AGMO: variants seen among roughly 807,000 people sequenced by gnomAD.
AGMO encodes the protein alkylglycerol monooxygenase.
AGMO carries 75 observed loss-of-function variants against 60.2 expected under a neutral mutation model. That is an observed-to-expected ratio of 1.25 (90% CI 1.03 to 1.51). The LOEUF is 1.51. Ranked by LOEUF, AGMO falls within the 40% of genes most tolerant of loss-of-function variation. AGMO has a pLI of 0.00. For synonymous variants in AGMO, 261 were observed against 177.1 expected, an observed-to-expected ratio of 1.47 and a Z score of -3.76; for missense variants, 763 against 525.5, an observed-to-expected ratio of 1.45 and a Z score of -4.42.
At chr7:15,511,238 G>A (rs1029436353) in intron 3 of AGMO, among the ~76,000 whole-genome samples, 24 of 151,968 alleles carry the variant, frequency 1.6e-4, no homozygotes, top group African/African-American at 5.8e-4. Flanking sequence ...ACTCATGCAG[G>A]ACCATGTAGA....
chr7:15,219,105 T>TA (rs1459472728), intron 12 of AGMO, among the ~76,000 whole-genome samples: 1 of 152,212 alleles, frequency 6.6e-6, no homozygotes. Context: ...ACTAATTATC[T>TA]ACACAATGTT....
chr7:15,244,982 T>A (rs1050276075), intron 12 of AGMO, among the ~76,000 whole-genome samples: 1 of 152,114 alleles, frequency 6.6e-6, no homozygotes, highest in Non-Finnish European at 1.5e-5. Flanking sequence ...GAGATAAATG[T>A]GTAACTAATT....
chr7:15,281,893 C>T (rs1177936029), intron 12 of AGMO, among the ~76,000 whole-genome samples: 1 of 152,164 alleles, frequency 6.6e-6, no homozygotes, highest in Non-Finnish European at 1.5e-5. Flanking sequence ...TTTGCTCATA[C>T]ACCAAACACA....
chr7:15,363,482 C>T (rs1468975513), intron 12 of AGMO, among the ~76,000 whole-genome samples: 1 of 152,136 alleles, frequency 6.6e-6, no homozygotes, highest in South Asian at 2.1e-4. Context: ...ACGAGCAAAG[C>T]AAGACCAAGA....
the AGMO span, among the ~76,000 whole-genome samples, chr7:15,180,715 C>CCACATTTG: frequency 2.6e-5 from 4 of 152,194 alleles, no homozygotes; most frequent in Non-Finnish European, 5.9e-5. Flanking sequence ...AAAGCTGTTT[C>CCACATTTG]CACATTTGCA....
chr7:15,215,446 CG>C (rs1781708619), intron 12 of AGMO, among the ~76,000 whole-genome samples: 1 of 151,806 alleles, frequency 6.6e-6, no homozygotes, highest in African/African-American at 2.4e-5. Context: ...AGTTGTACAC[CG>C]GAATTCTCCC....
intron 5 of AGMO, among the ~76,000 whole-genome samples, chr7:15,409,468 A>G (rs569064444): frequency 6.6e-6 from 1 of 152,022 alleles, no homozygotes; most frequent in African/African-American, 2.4e-5. Flanking sequence ...TAGAATATCA[A>G]CGTTCTTAGC....
chr7:15,379,780 A>C (rs1313848921), intron 10 of AGMO, among the ~76,000 whole-genome samples: 1 of 152,062 alleles, frequency 6.6e-6, no homozygotes, highest in Non-Finnish European at 1.5e-5. Flanking sequence ...CTGGCAAACC[A>C]AATCTAGCAT....
chr7:15,529,724 A>ATATT (rs2128540720), intron 3 of AGMO, among the ~76,000 whole-genome samples: 1 of 115,780 alleles, frequency 8.6e-6, no homozygotes, highest in African/African-American at 3.1e-5. Context: ...TATACTATAT[A>ATATT]CTCTATATAT....
chr7:15,306,499 T>G (rs1359256697), intron 12 of AGMO: 1 of 469,864 alleles, frequency 2.1e-6, no homozygotes, highest in Non-Finnish European at 4.4e-6. Flanking sequence ...AGACAGTCAC[T>G]CAAACTTAAA....
intron 3 of AGMO, among the ~76,000 whole-genome samples, chr7:15,491,344 C>T (rs1783060006): frequency 6.6e-6 from 1 of 152,156 alleles, no homozygotes; most frequent in Non-Finnish European, 1.5e-5. Flanking sequence ...AGAAAAGTGT[C>T]ATGCCTACGG....
chr7:15,283,778 A>G (rs1001968846), intron 12 of AGMO, among the ~76,000 whole-genome samples: 6 of 151,998 alleles, frequency 3.9e-5, no homozygotes, highest in African/African-American at 1.4e-4. Context: ...CAGAATATAC[A>G]TTCTTTCACC....
chr7:15,263,207 T>C (rs1415326349), intron 12 of AGMO, among the ~76,000 whole-genome samples: 1 of 151,900 alleles, frequency 6.6e-6, no homozygotes, highest in African/African-American at 2.4e-5. Context: ...ATCCAGAATC[T>C]ACAGAGATGT....
At chr7:15,242,049 T>C (rs902689576) in intron 12 of AGMO, among the ~76,000 whole-genome samples, 1 of 152,164 alleles carries the variant, frequency 6.6e-6, no homozygotes, top group African/African-American at 2.4e-5. Context: ...CATCCTCTTC[T>C]GTTACCAGAC....
intron 4 of AGMO, among the ~76,000 whole-genome samples, chr7:15,427,497 G>A (rs1032917928): frequency 7.2e-5 from 11 of 152,008 alleles, no homozygotes; most frequent in African/African-American, 2.7e-4. Context: ...AATCCCTAAT[G>A]TTCTTTTTCT....
At chr7:15,406,402 T>C (rs1784693132) in intron 5 of AGMO, among the ~76,000 whole-genome samples, 1 of 137,770 alleles carries the variant, frequency 7.3e-6, no homozygotes, top group Admixed American at 7.3e-5. Context: ...ATGTATTCCA[T>C]ATGTGTATAT....
chr7:15,397,831 C>T (rs1336404231), intron 5 of AGMO, among the ~76,000 whole-genome samples: 1 of 152,162 alleles, frequency 6.6e-6, no homozygotes, highest in Non-Finnish European at 1.5e-5. Context: ...AAAGAATACA[C>T]TCCTATGAAG....
intron 3 of AGMO, among the ~76,000 whole-genome samples, chr7:15,453,658 G>A (rs1781914139): frequency 6.6e-6 from 1 of 152,142 alleles, no homozygotes; most frequent in South Asian, 2.1e-4. Context: ...GAAAAACCTA[G>A]AAGGTGAAAA....
At chr7:15,179,681 C>T in the AGMO span, among the ~76,000 whole-genome samples, 1 of 152,256 alleles carries the variant, frequency 6.6e-6, no homozygotes, top group African/African-American at 2.4e-5. Context: ...CATGACTCCT[C>T]TAGGCACTGC....
Sources: allele counts gnomAD v4.1 joint callset (sites outside exome capture counted in the v4.1 genomes callset), GRCh38; gene constraint gnomAD v4.1.1; transcripts MANE v1.5; gene names NCBI Gene and HGNC (gene_info 2026-07-23, HGNC 2026-07-21).